Variants in FBXL17 observed in about 807,000 individuals in gnomAD.
FBXL17 encodes F-box/LRR-repeat protein 17.
In FBXL17, 22 loss-of-function variants were observed where a neutral mutation model predicts 66.2. The ratio of observed to expected loss-of-function variants is 0.33; its 90% CI spans 0.24 to 0.47. The LOEUF (loss-of-function observed/expected upper bound fraction) is 0.47. FBXL17 is among the 20% of genes least tolerant of loss of function. The pLI, the probability that FBXL17 is intolerant of heterozygous loss-of-function variation, is 1.00. For missense variants in FBXL17, 878 were observed against 948.2 expected (o/e 0.93, Z 0.97); for synonymous variants, 474 against 400.5 (o/e 1.18, Z -2.19).
intron 6 of FBXL17, among the ~76,000 whole-genome samples, chr5:108,140,327 G>A (rs1214313908): frequency 6.6e-6 from 1 of 152,152 alleles, no homozygotes; most frequent in Non-Finnish European, 1.5e-5. Flanking sequence ...TTACAGGTGT[G>A]AGCCACTGCG....
intron 6 of FBXL17, among the ~76,000 whole-genome samples, chr5:108,040,346 G>A (rs1349865655): frequency 6.6e-6 from 1 of 152,066 alleles, no homozygotes; most frequent in Non-Finnish European, 1.5e-5. Context: ...CCATTCTAGA[G>A]TGTGGTCTAG....
At chr5:108,305,693 G>A (rs1257560910) in intron 4 of FBXL17, among the ~76,000 whole-genome samples, 2 of 152,102 alleles carry the variant, frequency 1.3e-5, no homozygotes, top group Non-Finnish European at 2.9e-5. Context: ...TTTTGGGCAT[G>A]CTCAGTTTGA....
At position 108,071,675 on chromosome 5, in the gene FBXL17, A is replaced by T. The variant is rs193173650; in HGVS notation, c.1746-50674T>A. Among the ~76,000 whole-genome samples, 190 of 151,912 alleles carry T rather than the reference A, an allele frequency of 1.3e-3. 2 individuals carry two copies. Among genetic ancestry groups the T allele is most frequent in the Non-Finnish European group, 4.0e-4 (27 of 67,964 alleles). On this transcript the variant is annotated intron_variant, in intron 6 of 8. Coordinates refer to ENST00000542267, the MANE Select transcript of FBXL17 (RefSeq NM_001163315.3). The stretch of plus-strand genomic sequence containing the variant: ...GTTTCCTCATGTTCAAGTTTTTCAA[A>T]TCCTAAAACAAACTTCCCTTATTCT...
At chr5:108,313,271 G>A (rs1033169454) in intron 4 of FBXL17, among the ~76,000 whole-genome samples, 1 of 152,076 alleles carries the variant, frequency 6.6e-6, no homozygotes, top group African/African-American at 2.4e-5. Flanking sequence ...TTCTCTGGAA[G>A]AAGCCTATCT....
chr5:107,891,407 A>T (rs1328559983), intron 7 of FBXL17, among the ~76,000 whole-genome samples: 1 of 152,202 alleles, frequency 6.6e-6, no homozygotes, highest in Admixed American at 6.5e-5. Context: ...TAAACTTTCA[A>T]CGAATTGCTC....
chr5:108,029,600 T>A (rs1309262721), intron 6 of FBXL17, among the ~76,000 whole-genome samples: 2 of 152,178 alleles, frequency 1.3e-5, no homozygotes, highest in Non-Finnish European at 2.9e-5. Flanking sequence ...TGGTGCACTG[T>A]GTTTATGCAG....
chr5:108,146,747 G>A (rs1408979386), intron 6 of FBXL17, among the ~76,000 whole-genome samples: 3 of 152,144 alleles, frequency 2.0e-5, no homozygotes, highest in Non-Finnish European at 4.4e-5. Flanking sequence ...CAGAGAAGCT[G>A]TATCCTGGGG....
At chr5:108,034,660 T>C (rs1178440365) in intron 6 of FBXL17, among the ~76,000 whole-genome samples, 1 of 152,180 alleles carries the variant, frequency 6.6e-6, no homozygotes, top group Admixed American at 6.5e-5. Context: ...GCTAAAACCT[T>C]AGAAGTTTTC....
At chr5:108,106,722 T>C (rs1347099934) in intron 6 of FBXL17, among the ~76,000 whole-genome samples, 6 of 152,128 alleles carry the variant, frequency 3.9e-5, no homozygotes, top group Non-Finnish European at 7.4e-5. Context: ...AAAAAGTAGA[T>C]TGGTAGTTGC....
chr5:108,273,400 A>G (rs962704391), intron 4 of FBXL17, among the ~76,000 whole-genome samples: 2 of 151,772 alleles, frequency 1.3e-5, no homozygotes, highest in African/African-American at 2.4e-5. Flanking sequence ...TCTGGCCTCA[A>G]TGCCACTGAG....
At chr5:108,327,499 A>G (rs765537662) in intron 4 of FBXL17, among the ~76,000 whole-genome samples, 104 of 152,344 alleles carry the variant, frequency 6.8e-4, no homozygotes, top group Non-Finnish European at 1.2e-3. Flanking sequence ...CAAAGAATGA[A>G]GATTCATGGC....
rs548098108 is a variant in FBXL17 at position 108,162,392 on chromosome 5, A to G, written c.1745+23725T>C. 4.6e-5 allele frequency among the ~76,000 whole-genome samples: 7 copies of G among 152,156 alleles called. No homozygotes were observed. The South Asian group carries it at 1.0e-3, about 23-fold the overall frequency. On this transcript the variant is annotated intron_variant, in intron 6 of 8. Transcript: ENST00000542267. ...GCCCCTGTAGTCCCAGCTACTCGGG[A>G]GACTGAAGCAGGAGGATTGCTTGAG...
At chr5:108,110,115 T>TC (rs1749973577) in intron 6 of FBXL17, among the ~76,000 whole-genome samples, 1 of 151,998 alleles carries the variant, frequency 6.6e-6, no homozygotes, top group African/African-American at 2.4e-5. Context: ...AGCTCACACC[T>TC]CCTCCTTGGC....
chr5:107,931,684 G>A (rs1442323696), intron 7 of FBXL17, among the ~76,000 whole-genome samples: 1 of 152,060 alleles, frequency 6.6e-6, no homozygotes, highest in Admixed American at 6.6e-5. Flanking sequence ...TCTAGAATAT[G>A]TTTAATTTCT....
At chr5:108,339,895 T>C (rs1005700904) in intron 4 of FBXL17, among the ~76,000 whole-genome samples, 1 of 152,144 alleles carries the variant, frequency 6.6e-6, no homozygotes, top group African/African-American at 2.4e-5. Flanking sequence ...TCCCCAGAGT[T>C]AGTGAACTAA....
chr5:108,086,517 G>A (rs574954246), intron 6 of FBXL17, among the ~76,000 whole-genome samples: 79 of 152,128 alleles, frequency 5.2e-4, no homozygotes, highest in Non-Finnish European at 9.6e-4. Flanking sequence ...GTTTTTTCTC[G>A]TGTTAACCTG....
At chr5:108,276,350 G>A (rs1356357251) in intron 4 of FBXL17, among the ~76,000 whole-genome samples, 2 of 152,070 alleles carry the variant, frequency 1.3e-5, no homozygotes, top group Admixed American at 1.3e-4. Context: ...GAAAATCCTT[G>A]CTGTGATGAT....
At position 108,381,536 on chromosome 5, in the gene FBXL17, G is replaced by T. The variant is rs1434193221; in HGVS notation, c.156C>A (p.Asp52Glu). 1.3e-5 allele frequency: 18 copies of T among 1,423,602 alleles called. No individual in the cohort carries two copies. The highest frequency in any genetic ancestry group is 1.6e-5 in the Non-Finnish European group (18 of 1,097,560). The allele number at this position is 1,423,602 out of a possible 1,614,324, so 88.2% of individuals were successfully genotyped here. The change falls in exon 1 of 9, where the codon GAC becomes GAA. Residue 52 changes from aspartate (D) to glutamate (E), a missense_variant. Around this residue, in one of 4 missense-constraint regions of FBXL17, gnomAD observed 605 missense variants for 509.5 expected, o/e 1.19. Coordinates refer to ENST00000542267, the MANE Select transcript of FBXL17 (RefSeq NM_001163315.3). ...PPQPAAPRSRDCFFRGPCMLC... is the reference protein window; with the variant it reads ...PPQPAAPRSRECFFRGPCMLC... ...GCATGCAGGGCCCGCGGAAGAAGCAGTCCCGGCTCCGGGGCGCCGCCGGCT... is the reference window on the plus strand; with the variant it reads ...GCATGCAGGGCCCGCGGAAGAAGCATTCCCGGCTCCGGGGCGCCGCCGGCT...
intron 4 of FBXL17, among the ~76,000 whole-genome samples, chr5:108,329,682 T>C (rs1050655464): frequency 3.3e-5 from 5 of 152,182 alleles, no homozygotes; most frequent in African/African-American, 1.2e-4. Flanking sequence ...CACCACATTA[T>C]ATACTATAAA....
Sources: gnomAD v4.1 joint callset for allele counts (sites outside exome capture counted in the v4.1 genomes callset) on GRCh38, gnomAD v4.1.1 for gene constraint, gnomAD v4.1.1 regional missense constraint, MANE v1.5 for transcripts, NCBI Gene and HGNC (gene_info 2026-07-23, HGNC 2026-07-21) for gene names.